Variants in NFIB observed in about 807,000 individuals in gnomAD.
NFIB encodes the protein nuclear factor I B, also known as nuclear factor 1 B-type.
A neutral mutation model predicts 61.5 loss-of-function variants in NFIB; 11 were observed. The observed-to-expected ratio is 0.18, with a 90% confidence interval of 0.11 to 0.30. The LOEUF (loss-of-function observed/expected upper bound fraction) is 0.30. Ranked by LOEUF, NFIB falls within the 10% of genes least tolerant of loss-of-function variation. The pLI, the probability that NFIB is intolerant of heterozygous loss-of-function variation, is 1.00. For synonymous variants in NFIB, 260 were observed against 216.5 expected, an observed-to-expected ratio of 1.20 and a Z score of -1.76; for missense variants, 471 against 608.9, an observed-to-expected ratio of 0.77 and a Z score of 2.38.
the NFIB span, among the ~76,000 whole-genome samples, chr9:14,505,994 G>C: frequency 0.2 from 30,653 of 151,960 alleles, 3,134 homozygotes; most frequent in South Asian, 0.3. Context: ...TTACACAATC[G>C]TTATAATACA....
At chr9:14,095,234 T>G (rs915428342) in intron 10 of NFIB, among the ~76,000 whole-genome samples, 6 of 152,124 alleles carry the variant, frequency 3.9e-5, no homozygotes, top group Admixed American at 3.3e-4. Context: ...AAAAAATTGT[T>G]TGATCTTTTT....
At chr9:14,360,761 G>C (rs2061229670) in intron 1 of NFIB, among the ~76,000 whole-genome samples, 2 of 151,918 alleles carry the variant, frequency 1.3e-5, no homozygotes, top group African/African-American at 4.8e-5. Context: ...AGCCAGAATG[G>C]TCTCGATCTC....
At chr9:14,284,421 A>C (rs2058578030) in intron 2 of NFIB, among the ~76,000 whole-genome samples, 1 of 152,164 alleles carries the variant, frequency 6.6e-6, no homozygotes, top group Non-Finnish European at 1.5e-5. Context: ...AAACCAAAAA[A>C]ATGAATGTAA....
At chr9:14,147,879 C>T (rs1452247568) in intron 5 of NFIB, among the ~76,000 whole-genome samples, 7 of 151,762 alleles carry the variant, frequency 4.6e-5, no homozygotes, top group African/African-American at 1.2e-4. Flanking sequence ...TGGACTCAAG[C>T]GATCCTCCCA....
At chr9:14,126,173 T>C (rs2039620671) in intron 6 of NFIB, among the ~76,000 whole-genome samples, 1 of 152,224 alleles carries the variant, frequency 6.6e-6, no homozygotes, top group Non-Finnish European at 1.5e-5. Context: ...CCTTCAGGTA[T>C]GTTGGTCACG....
chr9:14,197,478 C>T (rs1049276159), intron 2 of NFIB, among the ~76,000 whole-genome samples: 3 of 152,130 alleles, frequency 2.0e-5, no homozygotes, highest in Admixed American at 2.0e-4. Flanking sequence ...CCCAGCCCTC[C>T]GATATAGAAA....
At chr9:14,410,219 C>CA in the NFIB span, among the ~76,000 whole-genome samples, 9 of 150,856 alleles carry the variant, frequency 6.0e-5, no homozygotes, top group Non-Finnish European at 1.2e-4. Flanking sequence ...AAAACTTTTC[C>CA]AAAAAAAATC....
the NFIB span, among the ~76,000 whole-genome samples, chr9:14,421,083 G>T: frequency 2.8e-5 from 2 of 71,966 alleles, no homozygotes; most frequent in African/African-American, 8.1e-5. Context: ...TGGATCTTTG[G>T]CAAAAAAAAA....
chr9:14,110,249 C>G (rs1056763706), intron 10 of NFIB, among the ~76,000 whole-genome samples: 1 of 151,976 alleles, frequency 6.6e-6, no homozygotes, highest in African/African-American at 2.4e-5. Flanking sequence ...TTTATGTAGG[C>G]TCTATTAAAG....
the NFIB span, among the ~76,000 whole-genome samples, chr9:14,410,196 T>C: frequency 0.2 from 29,224 of 146,028 alleles, 3,223 homozygotes; most frequent in Non-Finnish European, 0.26. Flanking sequence ...CCTACTATTT[T>C]CCAAAAAAAA....
At chr9:14,392,719 A>G (rs537417025) in intron 1 of NFIB, among the ~76,000 whole-genome samples, 10,382 of 145,082 alleles carry the variant, frequency 0.072, 1,046 homozygotes, top group African/African-American at 0.24. Context: ...ACCTTGTCTC[A>G]AAAAAAAAAA....
chr9:14,286,137 T>A (rs2058694985), intron 2 of NFIB, among the ~76,000 whole-genome samples: 1 of 152,154 alleles, frequency 6.6e-6, no homozygotes, highest in Non-Finnish European at 1.5e-5. Flanking sequence ...ATTGGAGAAA[T>A]TATTGGGTGT....
chr9:14,105,747 C>A (rs1293706820), intron 10 of NFIB, among the ~76,000 whole-genome samples: 1 of 152,132 alleles, frequency 6.6e-6, no homozygotes, highest in African/African-American at 2.4e-5. Context: ...AAATTGTGAA[C>A]AGACTCTATA....
Position 14,307,345 on chromosome 9 carries a change from T to C in NFIB, c.206A>G (p.Lys69Arg), listed in dbSNP as rs767366212. Residue 69 changes from lysine (K) to arginine (R), a missense_variant, in exon 2 of 11, where the codon AAA (lysine) becomes AGA (arginine). Lys to Arg is a conservative substitution (Grantham distance 26). Coordinates refer to ENST00000380953, the MANE Select transcript of NFIB (RefSeq NM_001190737.2). The surrounding 1 kb of genome is among the most constrained non-coding windows in gnomAD (Gnocchi z 5.3). Reference protein sequence around the residue: ...DELLSEKPEIKQKWASRLLAK... With the variant: ...DELLSEKPEIRQKWASRLLAK... Reference sequence around the variant, plus strand: ...AAGGAGCCTGGATGCCCACTTCTGTTTGATTTCAGGCTTTTCACTGAGAAG... The same window carrying C: ...AAGGAGCCTGGATGCCCACTTCTGTCTGATTTCAGGCTTTTCACTGAGAAG... 7.4e-6 allele frequency: 12 copies of C among 1,613,920 alleles called. No individual in the cohort carries two copies. Among genetic ancestry groups the C allele is most frequent in the Non-Finnish European group, 1.0e-5 (12 of 1,180,004 alleles).
intron 2 of NFIB, among the ~76,000 whole-genome samples, chr9:14,274,493 G>A (rs1378922547): frequency 1.3e-5 from 2 of 152,090 alleles, no homozygotes; most frequent in Non-Finnish European, 2.9e-5. Flanking sequence ...TTTCTTTGTC[G>A]TTTTTGTTTT....
the NFIB span, among the ~76,000 whole-genome samples, chr9:14,438,082 G>C: frequency 5.3e-5 from 8 of 150,678 alleles, no homozygotes; most frequent in Non-Finnish European, 8.9e-5. Context: ...GATGGAGAGA[G>C]AGAGATTGGT....
intron 2 of NFIB, among the ~76,000 whole-genome samples, chr9:14,291,124 T>C (rs2059064964): frequency 6.6e-6 from 1 of 152,126 alleles, no homozygotes; most frequent in African/African-American, 2.4e-5. Flanking sequence ...CCAGAGTCTC[T>C]TGATATACAT....
chr9:14,333,467 C>T (rs956191207), intron 1 of NFIB, among the ~76,000 whole-genome samples: 1 of 152,122 alleles, frequency 6.6e-6, no homozygotes, highest in African/African-American at 2.4e-5. Flanking sequence ...AATCTCTTCT[C>T]CTTCCCTTAG....
the NFIB span, among the ~76,000 whole-genome samples, chr9:14,499,041 CGTGTGTACGT>C: frequency 6.6e-6 from 1 of 150,550 alleles, no homozygotes; most frequent in Non-Finnish European, 1.5e-5. Context: ...TGTGTGTGCA[CGTGTGTACGT>C]GTGTGTGCGT....
Sources: gnomAD v4.1 joint callset for allele counts (sites outside exome capture counted in the v4.1 genomes callset) on GRCh38, gnomAD v4.1.1 for gene constraint, Gnocchi (gnomAD v3.1) non-coding constraint, MANE v1.5 for transcripts, NCBI Gene and HGNC (gene_info 2026-07-23, HGNC 2026-07-21) for gene names.